KCNH8: variants seen among roughly 807,000 people sequenced by gnomAD.
KCNH8 encodes potassium voltage-gated channel subfamily H member 8.
A neutral mutation model predicts 103.6 loss-of-function variants in KCNH8; 70 were observed. The ratio of observed to expected loss-of-function variants is 0.68; its 90% CI spans 0.56 to 0.82. The LOEUF (loss-of-function observed/expected upper bound fraction) is 0.82, where lower values mean the gene tolerates loss of function less well. Ranked by LOEUF, KCNH8 falls within the 40% of genes least tolerant of loss-of-function variation. KCNH8 has a pLI of 0.00. For missense variants in KCNH8, 1,217 were observed against 1,329.9 expected (o/e 0.92, Z 1.32); for synonymous variants, 498 against 489.4 (o/e 1.02, Z -0.23).
intron 7 of KCNH8, among the ~76,000 whole-genome samples, chr3:19,426,581 T>C (rs2067032365): frequency 6.6e-6 from 1 of 151,100 alleles, no homozygotes; most frequent in Non-Finnish European, 1.5e-5. Flanking sequence ...AATTTTGTTT[T>C]GCCATAGATG....
intron 3 of KCNH8, among the ~76,000 whole-genome samples, chr3:19,340,380 C>CT (rs1553639415): frequency 7.1e-5 from 9 of 126,890 alleles, no homozygotes; most frequent in African/African-American, 2.4e-4. Flanking sequence ...TTATTATACT[C>CT]TAAGTTTTAG....
intron 15 of KCNH8, among the ~76,000 whole-genome samples, chr3:19,531,800 A>T: frequency 6.6e-6 from 1 of 152,240 alleles, no homozygotes; most frequent in East Asian, 1.9e-4. Context: ...GCAGTCTTGA[A>T]TGAATCTTCA....
At chr3:19,195,999 T>C (rs1365268876) in intron 1 of KCNH8, among the ~76,000 whole-genome samples, 1 of 152,074 alleles carries the variant, frequency 6.6e-6, no homozygotes, top group African/African-American at 2.4e-5. Context: ...GAGTATGTTT[T>C]GTTCATTTCC....
chr3:19,428,895 G>T (rs1291809619), intron 7 of KCNH8, among the ~76,000 whole-genome samples: 2 of 151,932 alleles, frequency 1.3e-5, no homozygotes, highest in East Asian at 3.9e-4. Flanking sequence ...TCTGCATTTC[G>T]CTGTGTTTCT....
chr3:19,173,039 T>C (rs760045835), intron 1 of KCNH8, among the ~76,000 whole-genome samples: 1 of 152,202 alleles, frequency 6.6e-6, no homozygotes, highest in Non-Finnish European at 1.5e-5. Flanking sequence ...TGGAGATTCA[T>C]TTCATTCTAG....
intron 11 of KCNH8, among the ~76,000 whole-genome samples, chr3:19,495,694 T>C (rs561407958): frequency 1.3e-5 from 2 of 152,230 alleles, no homozygotes; most frequent in East Asian, 3.9e-4. Context: ...AGGCTCTTTT[T>C]TAGTTTTGTA....
chr3:19,295,641 A>C (rs2064988463), intron 3 of KCNH8, among the ~76,000 whole-genome samples: 1 of 152,140 alleles, frequency 6.6e-6, no homozygotes, highest in African/African-American at 2.4e-5. Context: ...GTCTATAGGT[A>C]ACTTTTCTTT....
At chr3:19,435,120 T>C (rs2067179940) in intron 7 of KCNH8, among the ~76,000 whole-genome samples, 3 of 152,284 alleles carry the variant, frequency 2.0e-5, no homozygotes, top group South Asian at 4.1e-4. Flanking sequence ...TTTCATAACG[T>C]ATATGTATAT....
chr3:19,463,709 A>T (rs560442456), intron 11 of KCNH8, among the ~76,000 whole-genome samples: 2 of 152,256 alleles, frequency 1.3e-5, no homozygotes, highest in East Asian at 3.9e-4. Context: ...ATTTAAATAT[A>T]TATACAGCCT....
chr3:19,375,408 G>A (rs981437045), intron 5 of KCNH8, among the ~76,000 whole-genome samples: 14 of 151,090 alleles, frequency 9.3e-5, no homozygotes, highest in Non-Finnish European at 1.5e-4. Context: ...CGGCTCCTGA[G>A]GCTTCTGCAT....
intron 3 of KCNH8, among the ~76,000 whole-genome samples, chr3:19,283,277 A>G (rs561198943): frequency 4.6e-5 from 7 of 152,300 alleles, no homozygotes; most frequent in South Asian, 4.1e-4. Flanking sequence ...CCAAAATTCT[A>G]TCTTAAAATG....
chr3:19,340,464 G>A (rs565857988), intron 3 of KCNH8, among the ~76,000 whole-genome samples: 9 of 151,044 alleles, frequency 6.0e-5, no homozygotes, highest in African/African-American at 2.2e-4. Context: ...ACCCACTAAC[G>A]TGTCATCTAG....
chr3:19,353,683 G>A (rs1281966181), intron 5 of KCNH8, among the ~76,000 whole-genome samples: 1 of 151,982 alleles, frequency 6.6e-6, no homozygotes, highest in East Asian at 1.9e-4. Flanking sequence ...AAATTCAGCA[G>A]CCCTCCATGC....
chr3:19,174,928 G>A (rs1027659963), intron 1 of KCNH8, among the ~76,000 whole-genome samples: 5 of 152,064 alleles, frequency 3.3e-5, no homozygotes, highest in African/African-American at 4.8e-5. Context: ...GAAGAAACAC[G>A]CCCTTTTGAA....
At chr3:19,266,438 A>G (rs868458750) in intron 2 of KCNH8, among the ~76,000 whole-genome samples, 7 of 152,132 alleles carry the variant, frequency 4.6e-5, no homozygotes, top group Admixed American at 2.0e-4. Context: ...TAATAAAACT[A>G]TTGAGATTCA....
intron 1 of KCNH8, among the ~76,000 whole-genome samples, chr3:19,201,097 G>C (rs1268052699): frequency 2.0e-5 from 3 of 150,258 alleles, no homozygotes; most frequent in African/African-American, 7.3e-5. Context: ...CTGGACATGG[G>C]GGCGGGCACC....
chr3:19,186,751 C>T (rs1391605836), intron 1 of KCNH8, among the ~76,000 whole-genome samples: 1 of 151,898 alleles, frequency 6.6e-6, no homozygotes, highest in African/African-American at 2.4e-5. Flanking sequence ...TTTTATGGAG[C>T]AAAATAATGT....
At chr3:19,352,669 T>C (rs888055985) in intron 5 of KCNH8, among the ~76,000 whole-genome samples, 2 of 152,156 alleles carry the variant, frequency 1.3e-5, no homozygotes, top group African/African-American at 4.8e-5. Flanking sequence ...GAAATAAAGA[T>C]GTTCTTTGAA....
intron 7 of KCNH8, among the ~76,000 whole-genome samples, chr3:19,436,081 A>C (rs1212453759): frequency 6.6e-6 from 1 of 152,154 alleles, no homozygotes; most frequent in Non-Finnish European, 1.5e-5. Flanking sequence ...GCTAATGATA[A>C]ACTCTTCTAG....
Sources: allele counts gnomAD v4.1 joint callset (sites outside exome capture counted in the v4.1 genomes callset), GRCh38; gene constraint gnomAD v4.1.1; transcripts MANE v1.5; gene names NCBI Gene and HGNC (gene_info 2026-07-23, HGNC 2026-07-21).